The following HS3ST4 variants were observed in gnomAD, a reference collection of about 807,000 sequenced individuals.
The protein encoded by HS3ST4 is heparan sulfate glucosamine 3-O-sulfotransferase 4.
In HS3ST4, 17 loss-of-function variants were observed where a neutral mutation model predicts 29.2. The observed-to-expected ratio is 0.58, with a 90% CI of 0.40 to 0.87. HS3ST4 has a LOEUF of 0.87. HS3ST4 is among the 40% of genes least tolerant of loss of function. The probability of loss-of-function intolerance (pLI) is 0.00; values close to 1 mark genes in which losing one functional copy is unlikely to be tolerated. For synonymous variants in HS3ST4, 314 were observed against 285.7 expected, an observed-to-expected ratio of 1.10 and a Z score of -1.00; for missense variants, 627 against 634.5, an observed-to-expected ratio of 0.99 and a Z score of 0.13.
intron 1 of HS3ST4, among the ~76,000 whole-genome samples, chr16:25,810,259 G>T (rs1205238752): frequency 2.0e-5 from 3 of 152,054 alleles, no homozygotes; most frequent in African/African-American, 7.2e-5. Context: ...TAAATGATGA[G>T]AGGTTTCTTC....
intron 1 of HS3ST4, among the ~76,000 whole-genome samples, chr16:25,762,112 G>T (rs1966791942): frequency 6.6e-6 from 1 of 152,180 alleles, no homozygotes; most frequent in African/African-American, 2.4e-5. Flanking sequence ...GATCCATGAA[G>T]CCATAAGAGG....
chr16:25,731,140 G>A (rs1032736428), intron 1 of HS3ST4, among the ~76,000 whole-genome samples: 1 of 152,106 alleles, frequency 6.6e-6, no homozygotes, highest in African/African-American at 2.4e-5. Flanking sequence ...AAATTTGATT[G>A]GGGGTCTGTC....
At chr16:25,693,672 A>G (rs1966273472) in intron 1 of HS3ST4, among the ~76,000 whole-genome samples, 1 of 152,192 alleles carries the variant, frequency 6.6e-6, no homozygotes, top group South Asian at 2.1e-4. Flanking sequence ...TACAAAGATC[A>G]TGCTGGCGTT....
intron 1 of HS3ST4, among the ~76,000 whole-genome samples, chr16:26,055,854 G>A (rs1253009147): frequency 6.6e-6 from 1 of 152,104 alleles, no homozygotes; most frequent in African/African-American, 2.4e-5. Context: ...TGATGGATTT[G>A]ATTCATTTGG....
At chr16:25,908,606 G>A (rs1339103677) in intron 1 of HS3ST4, among the ~76,000 whole-genome samples, 1 of 152,198 alleles carries the variant, frequency 6.6e-6, no homozygotes, top group African/African-American at 2.4e-5. Flanking sequence ...AGGCTGGCTG[G>A]GGCATCAGGA....
chr16:25,692,893 G>A lies in HS3ST4; in HGVS notation c.476G>A (p.Arg159Lys). 1 of 1,573,292 alleles carries A rather than the reference G, an allele frequency of 6.4e-7. No individual in the cohort carries two copies. The highest frequency in any genetic ancestry group is 8.6e-7 in the Non-Finnish European group (1 of 1,160,454). The change falls in exon 1 of 2, where the codon AGG (arginine) becomes AAG (lysine). Residue 159 changes from arginine to lysine, a missense_variant. This residue lies in a region of HS3ST4 where 402 missense variants were observed against 340.8 expected (regional missense o/e 1.18). Transcript: ENST00000331351. ...ACGGCTCAGAGCGCGCTGCCGGAGA[G>A]GGAAGCGCAGGAGTCCAGCACCACC... is the stretch of plus-strand genomic sequence containing the variant. ...MITAQSALPE[R>K]EAQESSTTDE...
intron 1 of HS3ST4, among the ~76,000 whole-genome samples, chr16:25,820,921 C>T (rs1294083370): frequency 6.6e-6 from 1 of 151,914 alleles, no homozygotes; most frequent in Admixed American, 6.6e-5. Flanking sequence ...TCCTTAGGAC[C>T]AAGTCGAATA....
intron 1 of HS3ST4, among the ~76,000 whole-genome samples, chr16:25,835,977 C>T (rs1044531060): frequency 2.0e-5 from 3 of 152,074 alleles, no homozygotes; most frequent in African/African-American, 7.2e-5. Flanking sequence ...TGGACAGAAA[C>T]CAAGGGCATT....
chr16:26,074,494 G>A (rs868032503), intron 1 of HS3ST4, among the ~76,000 whole-genome samples: 1 of 152,144 alleles, frequency 6.6e-6, no homozygotes, highest in Non-Finnish European at 1.5e-5. Flanking sequence ...CTTCCTGTTC[G>A]AATGTCGCTG....
At chr16:25,762,145 T>A (rs1966792273) in intron 1 of HS3ST4, among the ~76,000 whole-genome samples, 1 of 151,848 alleles carries the variant, frequency 6.6e-6, no homozygotes, top group East Asian at 1.9e-4. Flanking sequence ...AAGGGGGCCC[T>A]CATTGAGGAA....
chr16:25,811,125 A>G (rs1345966724), intron 1 of HS3ST4, among the ~76,000 whole-genome samples: 4 of 152,220 alleles, frequency 2.6e-5, no homozygotes, highest in Non-Finnish European at 5.9e-5. Context: ...TTCACAAATG[A>G]CTACAGTTGG....
intron 1 of HS3ST4, among the ~76,000 whole-genome samples, chr16:25,710,534 G>A (rs1235086999): frequency 1.3e-5 from 1 of 79,988 alleles, no homozygotes; most frequent in Non-Finnish European, 3.1e-5. Flanking sequence ...TTGGAGTCTG[G>A]CTCGTTCCTT....
chr16:25,739,593 A>G (rs1387882326), intron 1 of HS3ST4, among the ~76,000 whole-genome samples: 1 of 152,156 alleles, frequency 6.6e-6, no homozygotes, highest in Non-Finnish European at 1.5e-5. Flanking sequence ...CTCCTGTTTC[A>G]TTTTTCTGAG....
chr16:25,857,919 C>CCTTCCTTCCTTCCTTTCTTTCTTTCTTT (rs1455979612), intron 1 of HS3ST4, among the ~76,000 whole-genome samples: 2 of 58,102 alleles, frequency 3.4e-5, no homozygotes, highest in Non-Finnish European at 7.2e-5. Context: ...TTCCTTCCTT[C>CCTTCCTTCCTTCCTTTCTTTCTTTCTTT]CTTTCTTTCT....
intron 1 of HS3ST4, among the ~76,000 whole-genome samples, chr16:25,884,125 A>G (rs1206456827): frequency 6.6e-6 from 1 of 152,182 alleles, no homozygotes; most frequent in Non-Finnish European, 1.5e-5. Flanking sequence ...AAGAAAAAAA[A>G]AAAAGAATCC....
chr16:25,874,167 G>A lies in HS3ST4; in HGVS notation c.734+181016G>A, dbSNP rs1031149369. ...GTTGTATCCTTACCCCTAGTACAAA[G>A]TCTGCATAAAGAACACATTTTGTAA... On this transcript the variant is annotated intron_variant, in intron 1 of 1. Coordinates refer to ENST00000331351, the MANE Select transcript of HS3ST4 (RefSeq NM_006040.3). 2.6e-5 allele frequency among the ~76,000 whole-genome samples: 4 copies of A among 152,086 alleles called. No individual in the cohort carries two copies. In the East Asian group the frequency reaches 5.8e-4, roughly 22 times the overall value.
chr16:25,924,095 C>A (rs1051224753), intron 1 of HS3ST4, among the ~76,000 whole-genome samples: 1 of 152,258 alleles, frequency 6.6e-6, no homozygotes. Flanking sequence ...GACTCATAAC[C>A]TTTCCCATAC....
intron 1 of HS3ST4, among the ~76,000 whole-genome samples, chr16:25,737,364 C>A (rs1024179032): frequency 2.7e-3 from 72 of 26,592 alleles, no homozygotes; most frequent in Non-Finnish European, 3.2e-3. Context: ...GTGACCCCCC[C>A]CACACACAAA....
At chr16:25,799,245 C>G (rs1966908827) in intron 1 of HS3ST4, among the ~76,000 whole-genome samples, 1 of 152,118 alleles carries the variant, frequency 6.6e-6, no homozygotes, top group Non-Finnish European at 1.5e-5. Flanking sequence ...CCATTGTTAC[C>G]TTGAAGTACC....
Sources: gnomAD v4.1 joint callset for allele counts (sites outside exome capture counted in the v4.1 genomes callset) on GRCh38, gnomAD v4.1.1 for gene constraint, gnomAD v4.1.1 regional missense constraint, MANE v1.5 for transcripts, NCBI Gene and HGNC (gene_info 2026-07-23, HGNC 2026-07-21) for gene names.